Variants in ATP9B observed in about 807,000 individuals in gnomAD.
The protein encoded by ATP9B is ATPase phospholipid transporting 9B.
Under a neutral mutation model 146.1 loss-of-function variants are expected in ATP9B, and 110 were observed. The observed-to-expected ratio is 0.75, with a 90% CI of 0.65 to 0.88. The LOEUF (loss-of-function observed/expected upper bound fraction) is 0.88, where lower values mean the gene tolerates loss of function less well. ATP9B is among the 40% of genes least tolerant of loss of function. The pLI is 0.00. For synonymous variants in ATP9B, 604 were observed against 569.7 expected, an observed-to-expected ratio of 1.06 and a Z score of -0.86; for missense variants, 1,499 against 1,496.4, an observed-to-expected ratio of 1.00 and a Z score of -0.03.
intron 10 of ATP9B, among the ~76,000 whole-genome samples, chr18:79,211,141 T>G (rs1426050564): frequency 6.6e-6 from 1 of 152,256 alleles, no homozygotes; most frequent in East Asian, 1.9e-4. Context: ...ACTACTTGTT[T>G]GGAAGTGCTG....
rs1485020113 is a variant in ATP9B at position 79,303,677 on chromosome 18, G to A, written c.1485G>A (p.Met495Ile). The change falls in exon 14 of 30, where the codon ATG becomes ATA. Residue 495 changes from methionine (M) to isoleucine (I), a missense_variant. Physicochemically the swap from Met to Ile is conservative, Grantham distance 10 (BLOSUM62 1). Coordinates refer to ENST00000426216, the MANE Select transcript of ATP9B (RefSeq NM_198531.5). ...CCGTGTCCTATGGCGCCGACACGAT[G>A]GATGAGATCCAGAGCCATGTCAGGG... Reference protein sequence around the residue: ...LGTVSYGADTMDEIQSHVRDS... With the variant: ...LGTVSYGADTIDEIQSHVRDS... 6.2e-7 allele frequency: 1 copy of A among 1,614,066 alleles called. No homozygotes were observed. The highest frequency in any genetic ancestry group is 8.5e-7 in the Non-Finnish European group (1 of 1,179,994).
At chr18:79,372,706 G>T in intron 26 of ATP9B, 119 bp from the exon 27 acceptor site, 1 of 755,576 alleles carries the variant, frequency 1.3e-6, no homozygotes, top group Non-Finnish European at 2.4e-6. Context: ...TGGCTGGGGT[G>T]GCATGGATGG....
intron 29 of ATP9B, among the ~76,000 whole-genome samples, chr18:79,376,823 T>G (rs2097105946): frequency 6.6e-6 from 1 of 151,772 alleles, no homozygotes; most frequent in Non-Finnish European, 1.5e-5. Flanking sequence ...ACCTCCCCGG[T>G]AGCTGGGATT....
At chr18:79,207,117 T>C in intron 10 of ATP9B, 105 bp downstream of exon 10, 3 of 1,110,852 alleles carry the variant, frequency 2.7e-6, no homozygotes, top group Non-Finnish European at 4.0e-6. Flanking sequence ...CTGAAATATT[T>C]AGGGACCTTG....
chr18:79,200,421 A>T (rs1371778217), intron 9 of ATP9B, among the ~76,000 whole-genome samples: 1 of 152,226 alleles, frequency 6.6e-6, no homozygotes, highest in Non-Finnish European at 1.5e-5. Flanking sequence ...ATCAGTAAGG[A>T]TATAGTAGAA....
intron 25 of ATP9B, among the ~76,000 whole-genome samples, chr18:79,351,788 C>G (rs540748722): frequency 6.6e-6 from 1 of 151,584 alleles, no homozygotes; most frequent in South Asian, 2.1e-4. Context: ...GGACCAGGGA[C>G]CATGGGGGCC....
intron 11 of ATP9B, among the ~76,000 whole-genome samples, chr18:79,241,848 C>T (rs2095892012): frequency 6.6e-6 from 1 of 152,140 alleles, no homozygotes; most frequent in South Asian, 2.1e-4. Flanking sequence ...CAAGGGCTTC[C>T]TTGTGGAAGG....
At position 79,374,103 on chromosome 18, in the gene ATP9B, T is replaced by G; in HGVS notation, c.3274+2T>G. On this transcript the variant is annotated splice_donor_variant, in intron 28 of 29. Coordinates refer to ENST00000426216, the MANE Select transcript of ATP9B (RefSeq NM_198531.5). LOFTEE classifies it high-confidence loss of function. ...TCGCTTTTCTCAATGAATATTTTGG[T>G]AAGTTGCCTTGGAATTGTTTTTTGA... The G allele has an allele frequency of 1.9e-6, 3 of 1,613,974 alleles. No individual in the cohort carries two copies. Among genetic ancestry groups the G allele is most frequent in the Non-Finnish European group, 2.5e-6 (3 of 1,179,902 alleles).
At chr18:79,203,604 C>G (rs1032441953) in intron 9 of ATP9B, among the ~76,000 whole-genome samples, 5 of 151,108 alleles carry the variant, frequency 3.3e-5, no homozygotes, top group Non-Finnish European at 7.4e-5. Flanking sequence ...GAAGGTAATA[C>G]CCATAAAATA....
At chr18:79,174,142 A>G (rs574684567) in intron 7 of ATP9B, 42 of 410,610 alleles carry the variant, frequency 1.0e-4, no homozygotes, top group South Asian at 6.9e-4. Context: ...CATCTGCTCT[A>G]TCTTTCTGGA....
intron 15 of ATP9B, among the ~76,000 whole-genome samples, chr18:79,311,944 ACTTGCACGCAGCCATGCAGC>A (rs2096654812): frequency 6.6e-6 from 1 of 152,170 alleles, no homozygotes; most frequent in African/African-American, 2.4e-5. Flanking sequence ...GGCTGGGCGC[ACTTGCACGCAGCCATGCAGC>A]CTTCCCTCGT....
At chr18:79,101,478 A>G (rs1343034788) in intron 2 of ATP9B, among the ~76,000 whole-genome samples, 1 of 152,216 alleles carries the variant, frequency 6.6e-6, no homozygotes, top group Non-Finnish European at 1.5e-5. Flanking sequence ...TAAGGCTGCC[A>G]TGAACAATTG....
At chr18:79,183,146 A>T (rs1416540891) in intron 8 of ATP9B, among the ~76,000 whole-genome samples, 2 of 152,212 alleles carry the variant, frequency 1.3e-5, no homozygotes, top group African/African-American at 4.8e-5. Context: ...GCTATGGGTC[A>T]TCCTTTCATG....
intron 8 of ATP9B, among the ~76,000 whole-genome samples, chr18:79,184,994 C>G (rs886791331): frequency 8.7e-5 from 13 of 149,764 alleles, no homozygotes; most frequent in African/African-American, 3.2e-4. Flanking sequence ...AAAAAAAAAA[C>G]CCAAAAAATC....
chr18:79,312,067 C>T (rs1207383530), intron 15 of ATP9B, among the ~76,000 whole-genome samples: 1 of 152,198 alleles, frequency 6.6e-6, no homozygotes, highest in Non-Finnish European at 1.5e-5. Flanking sequence ...CCAGTCATTC[C>T]CATGCACAGC....
At position 79,347,849 on chromosome 18, in the gene ATP9B, G is replaced by C; in HGVS notation, c.2762G>C (p.Gly921Ala). The C allele has an allele frequency of 6.2e-7, 1 of 1,614,008 alleles. No homozygotes were observed. The highest frequency in any genetic ancestry group is 8.5e-7 in the Non-Finnish European group (1 of 1,179,960). Residue 921 changes from glycine to alanine, a missense_variant, in exon 24 of 30, where the codon GGG becomes GCG. Coordinates refer to ENST00000426216, the MANE Select transcript of ATP9B (RefSeq NM_198531.5). ...ATAGGCAGGCTGCTCATGGTGCACG[G>C]GCGGAACAGCTACAAGAGGTCGGCG... ...RHIGRLLMVH[G>A]RNSYKRSAAL... is the part of the protein sequence containing the mutation.
intron 17 of ATP9B, among the ~76,000 whole-genome samples, chr18:79,335,779 G>A (rs1600134844): frequency 6.6e-6 from 1 of 152,202 alleles, no homozygotes; most frequent in African/African-American, 2.4e-5. Flanking sequence ...AAGAACTTAC[G>A]CAGATTCACG....
Position 79,372,809 on chromosome 18 carries a change from TC to T in ATP9B, c.3013-14del. On this transcript the variant is annotated splice_polypyrimidine_tract_variant and intron_variant, in intron 26 of 29. Coordinates refer to ENST00000426216, the MANE Select transcript of ATP9B (RefSeq NM_198531.5). ...TGGTTCTGCGCACTAACGACGCTCTTCCACTGTTTCCCTAGGGAAGATCCTT... is the reference window on the plus strand; with the variant it reads ...TGGTTCTGCGCACTAACGACGCTCTTCACTGTTTCCCTAGGGAAGATCCTT... 6.3e-7 allele frequency: 1 copy of T among 1,591,802 alleles called. No homozygotes were observed. The highest frequency in any genetic ancestry group is 8.6e-7 in the Non-Finnish European group (1 of 1,159,756).
At chr18:79,180,180 T>C (rs2095233877) in intron 8 of ATP9B, among the ~76,000 whole-genome samples, 1 of 152,232 alleles carries the variant, frequency 6.6e-6, no homozygotes, top group Non-Finnish European at 1.5e-5. Flanking sequence ...GTAATAAAAG[T>C]AGGTACTGCT....
Sources: gnomAD v4.1 joint callset for allele counts (sites outside exome capture counted in the v4.1 genomes callset) on GRCh38, gnomAD v4.1.1 for gene constraint, MANE v1.5 for transcripts, NCBI Gene and HGNC (gene_info 2026-07-23, HGNC 2026-07-21) for gene names.